Variants in HNF4A observed in about 807,000 individuals in gnomAD.
HNF4A encodes hepatocyte nuclear factor 4-alpha.
In HNF4A, 15 loss-of-function variants were observed where a neutral mutation model predicts 52.4. That is an observed-to-expected ratio of 0.29 (90% CI 0.19 to 0.44). The LOEUF is 0.44. Ranked by LOEUF, HNF4A falls within the 20% of genes least tolerant of loss-of-function variation. The pLI is 1.00. For missense variants in HNF4A, 479 were observed against 647.2 expected, an observed-to-expected ratio of 0.74 and a Z score of 2.82; for synonymous variants, 280 against 264.4, an observed-to-expected ratio of 1.06 and a Z score of -0.57.
intron 7 of HNF4A, among the ~76,000 whole-genome samples, chr20:44,420,227 G>A (rs562508869): frequency 3.2e-4 from 49 of 152,182 alleles, no homozygotes; most frequent in African/African-American, 1.2e-3. Context: ...AGCTATTCGG[G>A]AGGCTGAGGC....
In HNF4A at chr20:44,429,814, C is replaced by G; in HGVS notation, c.*149C>G. ...AGGATGAAGGGCCCGAGAACATGGC[C>G]TAAGGGCCACATCCCACTGCCACCC... On this transcript the variant is annotated 3_prime_UTR_variant, in exon 10 of 10. Transcript: ENST00000316099. 4 of 787,742 alleles carry G rather than the reference C, an allele frequency of 5.1e-6. No homozygotes were observed. The highest frequency in any genetic ancestry group is 4.1e-6 in the Non-Finnish European group (2 of 486,764). 48.8% of individuals were successfully genotyped at this position (787,742 alleles called of 1,614,324 possible). A position where few individuals can be genotyped will look rare whatever the true frequency, so the allele number is the denominator to read the frequency against.
At chr20:44,423,429 G>A (rs1427641094) in intron 7 of HNF4A, among the ~76,000 whole-genome samples, 6 of 152,244 alleles carry the variant, frequency 3.9e-5, no homozygotes, top group Non-Finnish European at 7.3e-5. Flanking sequence ...TGATGGAGGG[G>A]CCGCAGAGAT....
At chr20:44,407,947 C>G (rs1022109792) in intron 3 of HNF4A, among the ~76,000 whole-genome samples, 1 of 152,196 alleles carries the variant, frequency 6.6e-6, no homozygotes, top group Admixed American at 6.5e-5. Flanking sequence ...CCTTAGTATT[C>G]ATTCGTGGGT....
intron 8 of HNF4A, among the ~76,000 whole-genome samples, 155 bp from the exon 9 acceptor site, chr20:44,428,180 T>A (rs1040819): frequency 6.6e-6 from 1 of 152,168 alleles, no homozygotes; most frequent in Non-Finnish European, 1.5e-5. Flanking sequence ...ATGGGAATGG[T>A]ACACCCTAGT....
chr20:44,361,054 C>T (rs1410193343), intron 1 of HNF4A, among the ~76,000 whole-genome samples: 19 of 152,118 alleles, frequency 1.2e-4, no homozygotes, highest in Admixed American at 1.2e-3. Context: ...CAGGCTATGG[C>T]TGTTCCCACC....
intron 1 of HNF4A, among the ~76,000 whole-genome samples, chr20:44,379,569 G>A (rs2063127525): frequency 6.6e-6 from 1 of 151,370 alleles, no homozygotes; most frequent in South Asian, 2.1e-4. Flanking sequence ...GGTTTTTTTT[G>A]GAGACATAGT....
intron 3 of HNF4A, chr20:44,408,286 A>G (rs2063531977): frequency 6.5e-6 from 1 of 154,816 alleles, no homozygotes; most frequent in African/African-American, 2.4e-5. Flanking sequence ...CCCACAACTG[A>G]TCCTTGGAAG....
intron 1 of HNF4A, among the ~76,000 whole-genome samples, chr20:44,393,983 C>G (rs1296859034): frequency 3.9e-5 from 6 of 152,222 alleles, no homozygotes; most frequent in Non-Finnish European, 8.8e-5. Context: ...TCCCAAAGTG[C>G]TGATGCCTCC....
chr20:44,355,936 T>C, intron 1 of HNF4A, 83 bp downstream of exon 1: 1 of 1,228,598 alleles, frequency 8.1e-7, no homozygotes. Flanking sequence ...CGTGTGTTTC[T>C]TACGGGCCCA....
At chr20:44,381,290 T>C (rs2063150735) in intron 1 of HNF4A, among the ~76,000 whole-genome samples, 1 of 151,094 alleles carries the variant, frequency 6.6e-6, no homozygotes, top group Non-Finnish European at 1.5e-5. Flanking sequence ...TTTTTTTTTT[T>C]TTTTTTTTGA....
intron 5 of HNF4A, among the ~76,000 whole-genome samples, chr20:44,416,494 C>T (rs2063667005): frequency 1.3e-5 from 2 of 152,278 alleles, no homozygotes; most frequent in Non-Finnish European, 2.9e-5. Context: ...TGATGAAAGA[C>T]TTGCACAGTG....
chr20:44,360,469 A>G (rs2062905152), intron 1 of HNF4A, among the ~76,000 whole-genome samples: 1 of 152,144 alleles, frequency 6.6e-6, no homozygotes, highest in Admixed American at 6.5e-5. Context: ...ATGTAGGTGC[A>G]TGTGATAAAT....
chr20:44,386,602 C>A (rs1233069623), intron 1 of HNF4A, among the ~76,000 whole-genome samples: 1 of 152,130 alleles, frequency 6.6e-6, no homozygotes, highest in Non-Finnish European at 1.5e-5. Flanking sequence ...ATAATTTCAA[C>A]CCCCAAGGGA....
At chr20:44,355,974 G>A (rs979593836) in intron 1 of HNF4A, 121 bp downstream of exon 1, 1 of 858,070 alleles carries the variant, frequency 1.2e-6, no homozygotes, top group Non-Finnish European at 1.8e-6. Flanking sequence ...CCTCTGGAAG[G>A]GCAGGAAGCC....
At chr20:44,415,051 A>T (rs1277505132) in intron 5 of HNF4A, among the ~76,000 whole-genome samples, 2 of 152,140 alleles carry the variant, frequency 1.3e-5, no homozygotes, top group African/African-American at 4.8e-5. Flanking sequence ...GTTGACAGGG[A>T]CCCTAGGACA....
At chr20:44,368,120 A>G (rs202049298) in intron 1 of HNF4A, among the ~76,000 whole-genome samples, 12 of 101,046 alleles carry the variant, frequency 1.2e-4, no homozygotes, top group African/African-American at 3.1e-4. Context: ...GTATACATAT[A>G]TGTGTGTGTG....
upstream of HNF4A, among the ~76,000 whole-genome samples, chr20:44,401,096 T>C (rs1481206150): frequency 6.6e-6 from 1 of 151,934 alleles, no homozygotes; most frequent in Non-Finnish European, 1.5e-5. Context: ...GCACCCCGGG[T>C]GTCAGCCAGA....
At chr20:44,355,893 C>T (rs756016181) in intron 1 of HNF4A, 40 bp downstream of exon 1, 4 of 1,572,016 alleles carry the variant, frequency 2.5e-6, no homozygotes, top group African/African-American at 1.3e-5. Flanking sequence ...GGCGGGACTG[C>T]GGTCAGCTTT....
upstream of HNF4A, among the ~76,000 whole-genome samples, chr20:44,396,933 A>C (rs111955304): frequency 5.0e-3 from 758 of 152,304 alleles, 4 homozygotes; most frequent in African/African-American, 0.017. Flanking sequence ...AGGGGAAGAG[A>C]GGCTAAGAAG....
Sources: allele counts gnomAD v4.1 joint callset (sites outside exome capture counted in the v4.1 genomes callset), GRCh38; gene constraint gnomAD v4.1.1; transcripts MANE v1.5; gene names NCBI Gene and HGNC (gene_info 2026-07-23, HGNC 2026-07-21).